PHKB: variants seen among roughly 807,000 people sequenced by gnomAD.
PHKB encodes the protein phosphorylase b kinase regulatory subunit beta.
PHKB carries 122 observed loss-of-function variants against 152.1 expected under a neutral mutation model. The observed-to-expected ratio is 0.80, with a 90% CI of 0.69 to 0.93. PHKB has a LOEUF of 0.93. Ranked by LOEUF, PHKB falls within the 40% of genes least tolerant of loss-of-function variation. The probability of loss-of-function intolerance (pLI) is 0.00; values close to 1 mark genes in which losing one functional copy is unlikely to be tolerated. For synonymous variants in PHKB, 436 were observed against 464.9 expected, an observed-to-expected ratio of 0.94 and a Z score of 0.80; for missense variants, 1,304 against 1,328.4, an observed-to-expected ratio of 0.98 and a Z score of 0.29.
In PHKB at chr16:47,683,905, C is replaced by G. The variant is rs192913752; in HGVS notation, c.2631-5136C>G. Among the ~76,000 whole-genome samples, 11 of 152,266 alleles carry G rather than the reference C, an allele frequency of 7.2e-5. No individual in the cohort carries two copies. The East Asian group carries it at 2.1e-3, about 29-fold the overall frequency. On this transcript the variant is annotated intron_variant, in intron 26 of 30. Coordinates refer to ENST00000323584, the MANE Select transcript of PHKB (RefSeq NM_000293.3). ...CTGTTCCTATTCGGCCATCTTGGCT[C>G]CACCTCCAATCATTTGTTTAACAGC...
At position 47,696,539 on chromosome 16, in the gene PHKB, G is replaced by A. The variant is rs769534681; in HGVS notation, c.3003+51G>A. ...TGAATAAATGCCTTCTCTCTGCTCCGTGAAAACTAGTATAAGGGAAACTGC... is the reference window on the plus strand; with the variant it reads ...TGAATAAATGCCTTCTCTCTGCTCCATGAAAACTAGTATAAGGGAAACTGC... On this transcript the variant is annotated intron_variant, in intron 29 of 30. Coordinates refer to ENST00000323584, the MANE Select transcript of PHKB (RefSeq NM_000293.3). 3.1e-5 allele frequency: 30 copies of A among 982,194 alleles called. 1 individual carries two copies. Among genetic ancestry groups the A allele is most frequent in the South Asian group, 1.9e-4 (15 of 78,388 alleles). 60.8% of individuals were successfully genotyped at this position (982,194 alleles called of 1,614,324 possible). A position where few individuals can be genotyped will look rare whatever the true frequency, so the allele number is the denominator to read the frequency against.
intron 1 of PHKB, among the ~76,000 whole-genome samples, chr16:47,487,608 CA>C (rs1243582098): frequency 6.6e-6 from 1 of 152,098 alleles, no homozygotes; most frequent in Non-Finnish European, 1.5e-5. Context: ...CTTCCACCCT[CA>C]AAGAGGCCTC....
chr16:47,632,387 CAGTT>C (rs1266133233), intron 14 of PHKB, among the ~76,000 whole-genome samples: 2 of 152,130 alleles, frequency 1.3e-5, no homozygotes, highest in East Asian at 1.9e-4. Context: ...GAATACCAAG[CAGTT>C]AGAGTGAAAA....
At chr16:47,624,093 G>C (rs951539305) in intron 14 of PHKB, among the ~76,000 whole-genome samples, 1 of 151,958 alleles carries the variant, frequency 6.6e-6, no homozygotes, top group Non-Finnish European at 1.5e-5. Flanking sequence ...TAAACTTTAC[G>C]AATCTCCATG....
At chr16:47,608,537 C>G (rs1045773496) in intron 13 of PHKB, among the ~76,000 whole-genome samples, 2 of 152,180 alleles carry the variant, frequency 1.3e-5, no homozygotes, top group African/African-American at 4.8e-5. Flanking sequence ...CATGGCAAAA[C>G]CTTGTCTCTA....
intron 5 of PHKB, among the ~76,000 whole-genome samples, chr16:47,513,551 G>T (rs1357706539): frequency 6.6e-6 from 1 of 152,152 alleles, no homozygotes; most frequent in East Asian, 1.9e-4. Context: ...CCCAGAATCA[G>T]CCTGGTTCCT....
intron 23 of PHKB, 40 bp downstream of exon 23, chr16:47,661,840 C>T (rs763562020): frequency 3.2e-6 from 4 of 1,251,476 alleles, no homozygotes; most frequent in Non-Finnish European, 4.7e-6. Flanking sequence ...AAGAGGACCT[C>T]TCTAGCCTTG....
At chr16:47,693,765 G>A (rs1439203054) in intron 28 of PHKB, among the ~76,000 whole-genome samples, 1 of 152,088 alleles carries the variant, frequency 6.6e-6, no homozygotes, top group African/African-American at 2.4e-5. Flanking sequence ...TATATTGCTG[G>A]AAGTCATATT....
intron 15 of PHKB, 77 bp from the exon 16 acceptor site, chr16:47,641,522 T>C (rs1973020927): frequency 3.8e-6 from 3 of 793,698 alleles, no homozygotes; most frequent in Admixed American, 3.7e-5. Flanking sequence ...TGTTCCCTTT[T>C]ATCCTCCTCC....
In PHKB at chr16:47,471,097, G is replaced by A. The variant is rs140534073; in HGVS notation, c.76+9671G>A. ...ACTTAACACCACTCATCAGCTCTCTGTCTCCTGCAGGGTTGAAGTAGGGAC... is the reference window on the plus strand; with the variant it reads ...ACTTAACACCACTCATCAGCTCTCTATCTCCTGCAGGGTTGAAGTAGGGAC... On this transcript the variant is annotated intron_variant, in intron 1 of 30. Coordinates refer to ENST00000323584, the MANE Select transcript of PHKB (RefSeq NM_000293.3). Among the ~76,000 whole-genome samples, 130 of 152,310 alleles carry A rather than the reference G, an allele frequency of 8.5e-4. 1 individual carries two copies. The highest frequency in any genetic ancestry group is 3.0e-3 in the African/African-American group (123 of 41,560).
intron 8 of PHKB, among the ~76,000 whole-genome samples, 153 bp from the exon 9 acceptor site, chr16:47,587,515 T>C (rs191009334): frequency 2.6e-4 from 40 of 152,342 alleles, no homozygotes; most frequent in African/African-American, 8.9e-4. Flanking sequence ...TTGAGAAATA[T>C]TGAAAGTACA....
chr16:47,491,984 C>G (rs1970158251), intron 1 of PHKB, among the ~76,000 whole-genome samples: 1 of 152,174 alleles, frequency 6.6e-6, no homozygotes, highest in African/African-American at 2.4e-5. Flanking sequence ...CCAGGCCAAA[C>G]AGCTGATATT....
intron 15 of PHKB, among the ~76,000 whole-genome samples, chr16:47,641,342 G>A (rs539180719): frequency 2.0e-5 from 3 of 152,234 alleles, no homozygotes; most frequent in South Asian, 2.1e-4. Context: ...TTGTAGTTTC[G>A]AGAAATTCAT....
rs181021536 is a variant in PHKB, at chr16:47,622,110, G to A, written c.1458+11190G>A. On this transcript the variant is annotated intron_variant, in intron 14 of 30. Transcript: ENST00000323584. The stretch of plus-strand genomic sequence containing the variant: ...ATAGAAGTAAGAAAGCAAGATTTAT[G>A]GTCCAGAATAAAGATATACAAGGAT... Among the ~76,000 whole-genome samples the A allele has an allele frequency of 9.5e-4, 144 of 151,398 alleles. 1 individual carries two copies. The East Asian group carries it at 0.024, about 25-fold the overall frequency.
chr16:47,596,359 T>G lies in PHKB; in HGVS notation c.1205-14T>G, dbSNP rs766907354. On this transcript the variant is annotated splice_polypyrimidine_tract_variant and intron_variant, in intron 12 of 30. Transcript: ENST00000323584. ...ATTTGTTATATTTTAAATACTTATT[T>G]TTAAACTCCATAGGATATCCTGTTG... 4.3e-5 allele frequency: 68 copies of G among 1,564,144 alleles called. No homozygotes were observed. Among genetic ancestry groups the G allele is most frequent in the Non-Finnish European group, 6.2e-6 (7 of 1,135,198 alleles).
rs1970292378 is a variant in PHKB at position 47,499,755 on chromosome 16, G to A, written c.167-1G>A. The A allele has an allele frequency of 1.2e-6, 2 of 1,614,066 alleles. No homozygotes were observed. The highest frequency in any genetic ancestry group is 1.7e-6 in the Non-Finnish European group (2 of 1,180,002). On this transcript the variant is annotated splice_acceptor_variant, in intron 2 of 30. Transcript: ENST00000323584. LOFTEE classifies it high-confidence loss of function. ...ATTCTTTGTCTTGTCCTCAATTGCA[G>A]TCAAGTCAACATTGCTGCTGTATCA...
chr16:47,645,789 T>C (rs1407051180), intron 16 of PHKB, among the ~76,000 whole-genome samples: 2 of 144,720 alleles, frequency 1.4e-5, no homozygotes, highest in South Asian at 2.3e-4. Flanking sequence ...ATGCTCATCA[T>C]CACTGGCCAT....
chr16:47,522,173 AT>A (rs1970696173), intron 6 of PHKB, among the ~76,000 whole-genome samples: 3 of 152,204 alleles, frequency 2.0e-5, no homozygotes, highest in African/African-American at 7.2e-5. Context: ...GATAGATTTT[AT>A]CAGTAAAGCT....
intron 7 of PHKB, 72 bp downstream of exon 7, chr16:47,547,620 G>A: frequency 2.3e-6 from 2 of 863,940 alleles, no homozygotes; most frequent in South Asian, 1.4e-5. Flanking sequence ...AAATACTGAA[G>A]CATTAGATTG....
Sources: gnomAD v4.1 joint callset for allele counts (sites outside exome capture counted in the v4.1 genomes callset) on GRCh38, gnomAD v4.1.1 for gene constraint, MANE v1.5 for transcripts, NCBI Gene and HGNC (gene_info 2026-07-23, HGNC 2026-07-21) for gene names.